PRRC2B: variants seen among roughly 807,000 people sequenced by gnomAD.
PRRC2B encodes the protein protein PRRC2B.
PRRC2B carries 68 observed loss-of-function variants against 242.3 expected under a neutral mutation model. The ratio of observed to expected loss-of-function variants is 0.28; its 90% CI spans 0.23 to 0.34. PRRC2B has a LOEUF of 0.34. Ranked by LOEUF, PRRC2B falls within the 10% of genes least tolerant of loss-of-function variation. The pLI, the probability that PRRC2B is intolerant of heterozygous loss-of-function variation, is 1.00. For missense variants in PRRC2B, 2,835 were observed against 2,954.8 expected (o/e 0.96, Z 0.94); for synonymous variants, 1,228 against 1,173.6 (o/e 1.05, Z -0.95).
chr9:131,384,250 C>T (rs929324608), intron 1 of PRRC2B, among the ~76,000 whole-genome samples: 3 of 149,582 alleles, frequency 2.0e-5, no homozygotes, highest in Non-Finnish European at 4.5e-5. Flanking sequence ...CCTGCCACCA[C>T]GCCTGGCTAA....
intron 11 of PRRC2B, among the ~76,000 whole-genome samples, chr9:131,460,266 A>G (rs538909704): frequency 4.9e-4 from 74 of 152,314 alleles, no homozygotes; most frequent in African/African-American, 1.7e-3. Context: ...GAAATAATCC[A>G]GTTCAGAATC....
intron 5 of PRRC2B, among the ~76,000 whole-genome samples, chr9:131,440,434 T>G (rs902059058): frequency 6.6e-6 from 1 of 152,170 alleles, no homozygotes; most frequent in Non-Finnish European, 1.5e-5. Flanking sequence ...ATATATTAAT[T>G]TTTATTTAAA....
At chr9:131,456,883 C>T (rs1453566898) in intron 10 of PRRC2B, among the ~76,000 whole-genome samples, 4 of 152,132 alleles carry the variant, frequency 2.6e-5, no homozygotes, top group Non-Finnish European at 5.9e-5. Flanking sequence ...AGACTTTTTC[C>T]TTTGCTTCCT....
intron 5 of PRRC2B, among the ~76,000 whole-genome samples, chr9:131,441,430 C>T (rs1182668263): frequency 2.6e-5 from 4 of 152,188 alleles, no homozygotes; most frequent in East Asian, 1.9e-4. Flanking sequence ...GTGGCACACA[C>T]CTGTTATCCC....
At chr9:131,471,039 C>A in intron 14 of PRRC2B, 56 bp downstream of exon 14, 1 of 1,293,512 alleles carries the variant, frequency 7.7e-7, no homozygotes, top group Non-Finnish European at 1.1e-6. Flanking sequence ...GCGTGGTGGT[C>A]AAGGGTGTCC....
At chr9:131,394,750 C>T (rs892670476) in intron 1 of PRRC2B, among the ~76,000 whole-genome samples, 7 of 151,468 alleles carry the variant, frequency 4.6e-5, no homozygotes, top group African/African-American at 1.7e-4. Context: ...GGGTCCGGGG[C>T]GCTGAGCGGC....
chr9:131,466,448 C>G (rs569698174), intron 12 of PRRC2B, among the ~76,000 whole-genome samples: 4 of 152,180 alleles, frequency 2.6e-5, no homozygotes, highest in Admixed American at 6.5e-5. Flanking sequence ...AAAAATGTGC[C>G]TAGGTCACAT....
At chr9:131,485,842 G>GCCT (rs1041432385) in intron 25 of PRRC2B, 1 of 729,836 alleles carries the variant, frequency 1.4e-6, no homozygotes, top group African/African-American at 1.7e-5. Context: ...GAGCCCACCT[G>GCCT]CCTCCTCCCT....
chr9:131,410,258 G>A (rs1837471661), intron 1 of PRRC2B, among the ~76,000 whole-genome samples: 1 of 152,230 alleles, frequency 6.6e-6, no homozygotes, highest in Admixed American at 6.5e-5. Context: ...GAGGAGAGGG[G>A]CTCCAGGCAG....
At chr9:131,483,112 C>G (rs1238809738) in intron 22 of PRRC2B, among the ~76,000 whole-genome samples, 1 of 152,074 alleles carries the variant, frequency 6.6e-6, no homozygotes, top group Non-Finnish European at 1.5e-5. Flanking sequence ...TCACTGACAC[C>G]AGACAGGCCA....
chr9:131,405,167 A>G (rs1013757186), intron 1 of PRRC2B, among the ~76,000 whole-genome samples: 2 of 152,192 alleles, frequency 1.3e-5, no homozygotes, highest in Non-Finnish European at 2.9e-5. Context: ...TTGGGCAGAC[A>G]GCGATCAGAC....
upstream of PRRC2B, among the ~76,000 whole-genome samples, chr9:131,390,818 G>A (rs564696899): frequency 4.1e-3 from 461 of 111,220 alleles, 2 homozygotes; most frequent in African/African-American, 0.016. Flanking sequence ...ACAGAGTCTC[G>A]CTCTGTCGCC....
At chr9:131,492,113 G>T in intron 29 of PRRC2B, 56 bp from the exon 30 acceptor site, 1 of 1,356,276 alleles carries the variant, frequency 7.4e-7, no homozygotes, top group Non-Finnish European at 1.1e-6. Context: ...GTAAGTGTGT[G>T]GTCCAGCTGT....
intron 9 of PRRC2B, among the ~76,000 whole-genome samples, chr9:131,450,917 C>G (rs1203318444): frequency 1.3e-5 from 2 of 152,096 alleles, no homozygotes; most frequent in African/African-American, 2.4e-5. Flanking sequence ...GTCCAGGAAC[C>G]TGGTGTATCT....
chr9:131,385,369 C>G (rs940875860), intron 1 of PRRC2B, among the ~76,000 whole-genome samples: 2 of 149,702 alleles, frequency 1.3e-5, no homozygotes, highest in Non-Finnish European at 3.0e-5. Flanking sequence ...CCTTCAGGGT[C>G]CCCCAAATGT....
intron 1 of PRRC2B, among the ~76,000 whole-genome samples, chr9:131,402,148 G>GT (rs1264309539): frequency 6.6e-6 from 1 of 152,108 alleles, no homozygotes; most frequent in Non-Finnish European, 1.5e-5. Context: ...GAGAAACGGA[G>GT]TTTCGCCATG....
At chr9:131,480,754 A>C (rs1486209480) in intron 19 of PRRC2B, among the ~76,000 whole-genome samples, 2 of 151,616 alleles carry the variant, frequency 1.3e-5, no homozygotes, top group Non-Finnish European at 2.9e-5. Flanking sequence ...CCCTGCTAGC[A>C]TGTCAACTTT....
At chr9:131,423,121 G>C (rs896426237) in intron 1 of PRRC2B, among the ~76,000 whole-genome samples, 1 of 152,208 alleles carries the variant, frequency 6.6e-6, no homozygotes, top group East Asian at 1.9e-4. Flanking sequence ...GAGAGAAAAC[G>C]AATTCTGTTG....
chr9:131,440,186 C>T (rs890038811), intron 5 of PRRC2B, among the ~76,000 whole-genome samples: 3 of 152,174 alleles, frequency 2.0e-5, no homozygotes, highest in Non-Finnish European at 4.4e-5. Flanking sequence ...GGATTACAGA[C>T]GTAAGCCACC....
Sources: gnomAD v4.1 joint callset for allele counts (sites outside exome capture counted in the v4.1 genomes callset) on GRCh38, gnomAD v4.1.1 for gene constraint, MANE v1.5 for transcripts, NCBI Gene and HGNC (gene_info 2026-07-23, HGNC 2026-07-21) for gene names.